H1-8: variants seen among roughly 807,000 people sequenced by gnomAD.
H1-8 encodes H1.8 linker histone.
H1-8 carries 13 observed loss-of-function variants against 19.5 expected under a neutral mutation model. The observed-to-expected ratio is 0.67, with a 90% CI of 0.43 to 1.06. The LOEUF is 1.06. Among genes scored for constraint, H1-8 ranks in the 50% least tolerant of loss-of-function variants. H1-8 has a pLI of 0.00. For missense variants in H1-8, 432 were observed against 459.8 expected, an observed-to-expected ratio of 0.94 and a Z score of 0.55; for synonymous variants, 193 against 187.6, an observed-to-expected ratio of 1.03 and a Z score of -0.24.
intron 1 of H1-8, among the ~76,000 whole-genome samples, chr3:129,547,088 T>C (rs1408078099): frequency 1.3e-5 from 2 of 152,078 alleles, no homozygotes; most frequent in Non-Finnish European, 2.9e-5. Context: ...TCCCAGCTAC[T>C]TGGGAGGCTG....
chr3:129,543,343 G>T, intron 1 of H1-8, 37 bp downstream of exon 1: 1 of 1,500,548 alleles, frequency 6.7e-7, no homozygotes, highest in Non-Finnish European at 9.2e-7. Context: ...TCATCCCTGC[G>T]AGCCCACTCC....
At chr3:129,545,861 C>G (rs2084882668) in intron 1 of H1-8, among the ~76,000 whole-genome samples, 2 of 152,152 alleles carry the variant, frequency 1.3e-5, no homozygotes, top group Admixed American at 1.3e-4. Flanking sequence ...CTGGTTCCAT[C>G]TTTGGGCCGA....
Position 129,547,438 on chromosome 3 carries a change from C to T in H1-8, c.136C>T (p.Leu46Phe), listed in dbSNP as rs1485682050. The T allele has an allele frequency of 1.3e-6, 2 of 1,541,752 alleles. No individual in the cohort carries two copies. Among genetic ancestry groups the T allele is most frequent in the Admixed American group, 2.0e-5 (1 of 48,876 alleles). ...VPPGGPSHSS[L>F]PVGRRHPPVL... ...ACCAGGAGGCCCGAGCCACAGCAGCCTCCCGGTGGGACGCCGCCACCCCCC... is the reference window on the plus strand; with the variant it reads ...ACCAGGAGGCCCGAGCCACAGCAGCTTCCCGGTGGGACGCCGCCACCCCCC... Residue 46 changes from leucine (L) to phenylalanine (F), a missense_variant, in exon 2 of 5, where the codon CTC becomes TTC. By Grantham distance (22) the Leu-to-Phe change is conservative. Transcript: ENST00000324382.
Position 129,547,476 on chromosome 3 carries a change from G to C in H1-8, c.174G>C (p.Met58Ile), listed in dbSNP as rs1560051527. ...GCCGCCACCCCCCGGTGCTACGCAT[G>C]GTGCTGGAGGCGCTGCAGGCTGGGG... ...VGRRHPPVLRMVLEALQAGEQ... is the reference protein window; with the variant it reads ...VGRRHPPVLRIVLEALQAGEQ... The change falls in exon 2 of 5, where the codon ATG becomes ATC. Residue 58 changes from methionine (M) to isoleucine (I), a missense_variant. By Grantham distance (10) the Met-to-Ile change is conservative. Coordinates refer to ENST00000324382, the MANE Select transcript of H1-8 (RefSeq NM_153833.3). 2 of 1,554,560 alleles carry C rather than the reference G, an allele frequency of 1.3e-6. No homozygotes were observed. Among genetic ancestry groups the C allele is most frequent in the Non-Finnish European group, 1.7e-6 (2 of 1,149,312 alleles).
At chr3:129,543,555 T>G (rs1239974328) in intron 1 of H1-8, among the ~76,000 whole-genome samples, 1 of 152,016 alleles carries the variant, frequency 6.6e-6, no homozygotes, top group African/African-American at 2.4e-5. Flanking sequence ...GGGGCCGGCC[T>G]CGCTCAGGGA....
intron 3 of H1-8, among the ~76,000 whole-genome samples, chr3:129,550,387 C>T (rs149248112): frequency 2.6e-5 from 4 of 152,198 alleles, no homozygotes; most frequent in Non-Finnish European, 5.9e-5. Context: ...AGTGACAGAG[C>T]GAGACCCTGT....
At chr3:129,550,048 T>A (rs2084922321) in intron 3 of H1-8, among the ~76,000 whole-genome samples, 1 of 152,186 alleles carries the variant, frequency 6.6e-6, no homozygotes. Flanking sequence ...GAAGGGCAGC[T>A]GGAATCAGGG....
At chr3:129,544,555 A>G (rs2084874580) in intron 1 of H1-8, among the ~76,000 whole-genome samples, 1 of 148,256 alleles carries the variant, frequency 6.7e-6, no homozygotes, top group African/African-American at 2.5e-5. Context: ...CCTGGAAGAG[A>G]GAGGAGGGGC....
chr3:129,551,419 C>A lies in H1-8; in HGVS notation c.*79C>A. On this transcript the variant is annotated 3_prime_UTR_variant, in exon 5 of 5. Coordinates refer to ENST00000324382, the MANE Select transcript of H1-8 (RefSeq NM_153833.3). The stretch of plus-strand genomic sequence containing the variant: ...CAACTAACCACTGCTCTATTTATTT[C>A]ATTGTAAGCTATTTATCAATAAAGA... 1 of 850,960 alleles carries A rather than the reference C, an allele frequency of 1.2e-6. No individual in the cohort carries two copies. The highest frequency in any genetic ancestry group is 1.8e-6 in the Non-Finnish European group (1 of 542,946). The allele number at this position is 850,960 out of a possible 1,614,324, so 52.7% of individuals were successfully genotyped here. A position where few individuals can be genotyped will look rare whatever the true frequency, so the allele number is the denominator to read the frequency against.
Position 129,543,266 on chromosome 3 carries a change from C to T in H1-8, c.48C>T (p.Ser16=). ...VTSDISPSST[S]TAGSSRSPES... is the part of the protein sequence containing the mutation. ...GCGACATCTCACCCTCCTCGACTTC[C>T]ACAGCAGGATCATCCAGGTCTCCTG... Residue 16 remains serine (S), a synonymous_variant, in exon 1 of 5, where the codon TCC becomes TCT. Coordinates refer to ENST00000324382, the MANE Select transcript of H1-8 (RefSeq NM_153833.3). The T allele has an allele frequency of 6.2e-7, 1 of 1,613,816 alleles. No homozygotes were observed. Among genetic ancestry groups the T allele is most frequent in the Non-Finnish European group, 8.5e-7 (1 of 1,179,850 alleles).
intron 2 of H1-8, 64 bp from the exon 3 acceptor site, chr3:129,548,937 G>C (rs912343720): frequency 6.5e-7 from 1 of 1,529,106 alleles, no homozygotes; most frequent in Non-Finnish European, 8.8e-7. Flanking sequence ...GGAGTCTTAC[G>C]GGGGGTGGGG....
chr3:129,550,469 T>C (rs1045509211), intron 3 of H1-8, among the ~76,000 whole-genome samples: 4 of 152,160 alleles, frequency 2.6e-5, no homozygotes, highest in African/African-American at 9.7e-5. Flanking sequence ...ACAGGCCCGT[T>C]AGACGTTGGC....
At chr3:129,548,903 T>G in intron 2 of H1-8, 98 bp from the exon 3 acceptor site, 1 of 1,466,274 alleles carries the variant, frequency 6.8e-7, no homozygotes, top group Non-Finnish European at 9.1e-7. Context: ...GGAGCCCCCC[T>G]GTTTGGAACG....
At position 129,543,304 on chromosome 3, in the gene H1-8, C is replaced by A. The variant is rs769819531; in HGVS notation, c.86C>A (p.Pro29Gln). ...TCCAGGTCTCCTGAATCTGAAAAGC[C>A]AGGTGAGCAAGAGGAGGCAGCTCCT... is the stretch of plus-strand genomic sequence containing the variant. ...GSSRSPESEKPGPSHGGVPPG... is the reference protein window; with the variant it reads ...GSSRSPESEKQGPSHGGVPPG... The change falls in exon 1 of 5, where the codon CCA becomes CAA. Residue 29 changes from proline (P) to glutamine (Q), a missense_variant and splice_region_variant. By Grantham distance (76) the Pro-to-Gln change is moderately conservative. Transcript: ENST00000324382. 2 of 1,611,836 alleles carry A rather than the reference C, an allele frequency of 1.2e-6. No homozygotes were observed. The highest frequency in any genetic ancestry group is 2.2e-5 in the South Asian group (2 of 90,662).
chr3:129,549,399 T>C, intron 3 of H1-8, 35 bp downstream of exon 3: 1 of 1,017,080 alleles, frequency 9.8e-7, no homozygotes, highest in South Asian at 2.0e-5. Context: ...GGTGTGGGGA[T>C]GGGGGTCTTG....
At chr3:129,543,447 T>C (rs112046574) in intron 1 of H1-8, 141 bp downstream of exon 1, 38 of 641,296 alleles carry the variant, frequency 5.9e-5, no homozygotes, top group Middle Eastern at 2.8e-4. Context: ...CACCCAGCAC[T>C]CACCCAGCAC....
rs1033223560 is a variant in H1-8 at position 129,551,047 on chromosome 3, C to G, written c.808-60C>G. On this transcript the variant is annotated intron_variant, in intron 4 of 4. Coordinates refer to ENST00000324382, the MANE Select transcript of H1-8 (RefSeq NM_153833.3). ...GCGATGTTGTGTACCCAGAGCCACCCAGAGCTGGGATTTCAGCCCTTCCCA... is the reference window on the plus strand; with the variant it reads ...GCGATGTTGTGTACCCAGAGCCACCGAGAGCTGGGATTTCAGCCCTTCCCA... 4.1e-6 allele frequency: 6 copies of G among 1,471,340 alleles called. No individual in the cohort carries two copies. The African/African-American group carries it at 5.6e-5, about 14-fold the overall frequency. 91.1% of individuals were successfully genotyped at this position (1,471,340 alleles called of 1,614,324 possible). A position where few individuals can be genotyped will look rare whatever the true frequency, so the allele number is the denominator to read the frequency against.
rs370679132 is a variant in H1-8 at position 129,547,463 on chromosome 3, C to T, written c.161C>T (p.Pro54Leu). 40 of 1,549,586 alleles carry T rather than the reference C, an allele frequency of 2.6e-5. No homozygotes were observed. The highest frequency in any genetic ancestry group is 3.9e-5 in the Admixed American group (2 of 50,960). The change falls in exon 2 of 5, where the codon CCG (proline) becomes CTG (leucine). Residue 54 changes from proline to leucine, a missense_variant. Pro to Leu is a moderately conservative substitution (Grantham distance 98, BLOSUM62 -3). Coordinates refer to ENST00000324382, the MANE Select transcript of H1-8 (RefSeq NM_153833.3). Reference sequence around the variant, plus strand: ...CTCCCGGTGGGACGCCGCCACCCCCCGGTGCTACGCATGGTGCTGGAGGCG... The same window carrying T: ...CTCCCGGTGGGACGCCGCCACCCCCTGGTGCTACGCATGGTGCTGGAGGCG... The part of the protein sequence containing the change: ...SSLPVGRRHP[P>L]VLRMVLEALQ...
Position 129,550,820 on chromosome 3 carries a change from G to A in H1-8, c.807+11G>A. The A allele has an allele frequency of 6.2e-7, 1 of 1,610,048 alleles. No homozygotes were observed. The highest frequency in any genetic ancestry group is 8.5e-7 in the Non-Finnish European group (1 of 1,177,774). ...CCCACGGCCAGCAAGGTAGGTGCCT[G>A]CATGAATTTCCTGGCCTGGCTGCCT... On this transcript the variant is annotated intron_variant, in intron 4 of 4. Coordinates refer to ENST00000324382, the MANE Select transcript of H1-8 (RefSeq NM_153833.3).
Sources: gnomAD v4.1 joint callset for allele counts (sites outside exome capture counted in the v4.1 genomes callset) on GRCh38, gnomAD v4.1.1 for gene constraint, MANE v1.5 for transcripts, NCBI Gene and HGNC (gene_info 2026-07-23, HGNC 2026-07-21) for gene names.